CACNA2D1: variants seen among roughly 807,000 people sequenced by gnomAD.
The protein encoded by CACNA2D1 is calcium voltage-gated channel auxiliary subunit alpha2delta 1, also known as voltage-dependent calcium channel subunit alpha-2/delta-1.
In CACNA2D1, 53 loss-of-function variants were observed where a neutral mutation model predicts 171.5. The observed-to-expected ratio is 0.31, with a 90% CI of 0.25 to 0.39. The LOEUF is 0.39. Ranked by LOEUF, CACNA2D1 falls within the 10% of genes least tolerant of loss-of-function variation. CACNA2D1 has a pLI of 1.00. For missense variants in CACNA2D1, 903 were observed against 1,299.8 expected (o/e 0.69, Z 4.69); for synonymous variants, 442 against 443.1 (o/e 1.00, Z 0.03).
chr7:82,006,858 A>T (rs1373823158), intron 16 of CACNA2D1, among the ~76,000 whole-genome samples: 1 of 152,150 alleles, frequency 6.6e-6, no homozygotes. Context: ...TGAGATATAT[A>T]ATAACTGATC....
chr7:82,069,713 C>T lies in CACNA2D1; in HGVS notation c.659-3189G>A, dbSNP rs1044486550. On this transcript the variant is annotated intron_variant, in intron 7 of 38. Coordinates refer to ENST00000356860, the MANE Select transcript of CACNA2D1 (RefSeq NM_000722.4). ...GTCTAAAAATAATAGCGAAGTACCCCTTTTTTTTTTATTTCAGCTGCTAGG... is the reference window on the plus strand; with the variant it reads ...GTCTAAAAATAATAGCGAAGTACCCTTTTTTTTTTTATTTCAGCTGCTAGG... Among the ~76,000 whole-genome samples the T allele has an allele frequency of 2.7e-5, 4 of 150,296 alleles. No homozygotes were observed. The East Asian group carries it at 5.9e-4, about 22-fold the overall frequency.
At chr7:82,271,101 A>G (rs571152892) in intron 3 of CACNA2D1, among the ~76,000 whole-genome samples, 34 of 152,136 alleles carry the variant, frequency 2.2e-4, no homozygotes, top group African/African-American at 8.2e-4. Context: ...TTTCATGTCA[A>G]TTGTCACCTA....
At chr7:82,400,139 G>T (rs1434305736) in intron 1 of CACNA2D1, among the ~76,000 whole-genome samples, 2 of 150,336 alleles carry the variant, frequency 1.3e-5, no homozygotes, top group Non-Finnish European at 3.0e-5. Flanking sequence ...GTAGTGTGAT[G>T]CCTCCAGCTT....
intron 10 of CACNA2D1, among the ~76,000 whole-genome samples, chr7:82,043,842 C>A (rs1477291427): frequency 6.6e-6 from 1 of 152,074 alleles, no homozygotes; most frequent in Non-Finnish European, 1.5e-5. Context: ...CGGGAAGTGC[C>A]CTTTGTCTGG....
chr7:82,186,170 G>C (rs1797715316), intron 3 of CACNA2D1, among the ~76,000 whole-genome samples: 1 of 125,768 alleles, frequency 8.0e-6, no homozygotes, highest in Non-Finnish European at 1.7e-5. Context: ...AACAAAAAAA[G>C]AGAGAGAAGG....
At chr7:82,027,190 G>A (rs1291308310) in intron 12 of CACNA2D1, among the ~76,000 whole-genome samples, 1 of 151,656 alleles carries the variant, frequency 6.6e-6, no homozygotes, top group Non-Finnish European at 1.5e-5. Flanking sequence ...TAATGAAAAT[G>A]TATAATTGGG....
intron 10 of CACNA2D1, among the ~76,000 whole-genome samples, chr7:82,048,245 GATT>G (rs1804776633): frequency 6.6e-6 from 1 of 152,008 alleles, no homozygotes; most frequent in Non-Finnish European, 1.5e-5. Context: ...CTTAGAGCAT[GATT>G]ATGATATAAA....
intron 3 of CACNA2D1, among the ~76,000 whole-genome samples, chr7:82,307,870 C>T (rs1813932068): frequency 6.6e-6 from 1 of 152,140 alleles, no homozygotes; most frequent in African/African-American, 2.4e-5. Flanking sequence ...GGCAGTTTGT[C>T]CCAGCAAAAA....
At chr7:82,132,202 A>G (rs1004957544) in intron 5 of CACNA2D1, among the ~76,000 whole-genome samples, 4 of 152,220 alleles carry the variant, frequency 2.6e-5, no homozygotes, top group Non-Finnish European at 4.4e-5. Context: ...TAGAAAAATT[A>G]TCTCCCCCAA....
chr7:82,438,335 T>C (rs1830253905), intron 1 of CACNA2D1, among the ~76,000 whole-genome samples: 1 of 152,200 alleles, frequency 6.6e-6, no homozygotes, highest in African/African-American at 2.4e-5. Flanking sequence ...CGTATATATG[T>C]GTATTTGCAT....
In CACNA2D1 at chr7:82,117,034, T is replaced by C; in HGVS notation, c.526+10A>G. 1 of 1,613,648 alleles carries C rather than the reference T, an allele frequency of 6.2e-7. No homozygotes were observed. Among genetic ancestry groups the C allele is most frequent in the East Asian group, 2.2e-5 (1 of 44,850 alleles). ...GGTATTCCAACAGATGTTAACATTC[T>C]TTTACTTACAGCCCTCATAGATGTC... On this transcript the variant is annotated intron_variant, in intron 6 of 38. Transcript: ENST00000356860.
At chr7:81,997,933 A>T (rs917010547) in intron 18 of CACNA2D1, among the ~76,000 whole-genome samples, 3 of 151,970 alleles carry the variant, frequency 2.0e-5, no homozygotes, top group African/African-American at 7.2e-5. Flanking sequence ...GGGTTCAATG[A>T]ATACTATTTC....
rs570146227 is a variant in CACNA2D1 at position 81,949,966 on chromosome 7, A to G, written c.*426T>C. 1.1e-3 allele frequency: 179 copies of G among 164,296 alleles called. 1 individual carries two copies. The highest frequency in any genetic ancestry group is 4.1e-3 in the African/African-American group (173 of 41,814). The allele number at this position is 164,296 out of a possible 1,614,324, so 10.2% of individuals were successfully genotyped here. ...GGAATTAACTTTTCACAGAAGAAAA[A>G]GTGAAGGCAAAAATAATTTCTTTCC... On this transcript the variant is annotated 3_prime_UTR_variant, in exon 39 of 39. Transcript: ENST00000356860.
At chr7:81,986,399 T>C (rs1172889809) in intron 21 of CACNA2D1, among the ~76,000 whole-genome samples, 1 of 152,088 alleles carries the variant, frequency 6.6e-6, no homozygotes, top group Non-Finnish European at 1.5e-5. Flanking sequence ...CTTTTAGATT[T>C]AGGGATTTGT....
At chr7:81,958,802 G>A (rs142279838) in intron 38 of CACNA2D1, among the ~76,000 whole-genome samples, 246 of 151,958 alleles carry the variant, frequency 1.6e-3, no homozygotes, top group African/African-American at 5.8e-3. Flanking sequence ...CCATCCAAAA[G>A]AAACTAGAAC....
At chr7:82,162,707 A>G (rs1315971408) in intron 4 of CACNA2D1, among the ~76,000 whole-genome samples, 1 of 151,858 alleles carries the variant, frequency 6.6e-6, no homozygotes, top group Non-Finnish European at 1.5e-5. Flanking sequence ...TTTCTGACTA[A>G]GCTTCTGGTT....
intron 24 of CACNA2D1, among the ~76,000 whole-genome samples, chr7:81,978,821 T>TA (rs1491586589): frequency 0.055 from 1,157 of 21,056 alleles, 6 homozygotes; most frequent in African/African-American, 0.082. Context: ...TATATATATA[T>TA]TTATTTATTT....
chr7:81,981,056 C>T (rs37088), intron 24 of CACNA2D1, among the ~76,000 whole-genome samples: 101,092 of 152,016 alleles, frequency 0.67, 33,801 homozygotes, highest in African/African-American at 0.73. Context: ...TAATATAATG[C>T]AATATCAATG....
rs559629247 is a variant in CACNA2D1, at chr7:82,171,965, G to A, written c.295-1356C>T. Reference sequence around the variant, plus strand: ...CTTCTAGACCAGTTTTTATATTAATGTATTGGCTTCTATCCCTGTGATTAT... The same window carrying A: ...CTTCTAGACCAGTTTTTATATTAATATATTGGCTTCTATCCCTGTGATTAT... On this transcript the variant is annotated intron_variant, in intron 3 of 38. Coordinates refer to ENST00000356860, the MANE Select transcript of CACNA2D1 (RefSeq NM_000722.4). 4.0e-5 allele frequency among the ~76,000 whole-genome samples: 6 copies of A among 151,582 alleles called. No individual in the cohort carries two copies. In the South Asian group the frequency reaches 8.3e-4, roughly 21 times the overall value.
Sources: gnomAD v4.1 joint callset for allele counts (sites outside exome capture counted in the v4.1 genomes callset) on GRCh38, gnomAD v4.1.1 for gene constraint, MANE v1.5 for transcripts, NCBI Gene and HGNC (gene_info 2026-07-23, HGNC 2026-07-21) for gene names.